Variants in CTSS observed in about 807,000 individuals in gnomAD.
CTSS encodes the protein cathepsin S.
CTSS carries 15 observed loss-of-function variants against 39.9 expected under a neutral mutation model. The ratio of observed to expected loss-of-function variants is 0.38; its 90% CI spans 0.25 to 0.58. The LOEUF (loss-of-function observed/expected upper bound fraction) is 0.58, where lower values mean the gene tolerates loss of function less well. Ranked by LOEUF, CTSS falls within the 20% of genes least tolerant of loss-of-function variation. The pLI is 0.70. For synonymous variants in CTSS, 126 were observed against 138.2 expected (o/e 0.91, Z 0.62); for missense variants, 250 against 398.2 (o/e 0.63, Z 3.17).
At chr1:150,735,969 A>G (rs1200533426) in intron 7 of CTSS, among the ~76,000 whole-genome samples, 1 of 151,976 alleles carries the variant, frequency 6.6e-6, no homozygotes. Context: ...CGTGTTAGCC[A>G]GGATGGTCTC....
At chr1:150,764,532 C>T in intron 2 of CTSS, 106 bp downstream of exon 2, 7 of 1,478,648 alleles carry the variant, frequency 4.7e-6, no homozygotes, top group Non-Finnish European at 4.6e-6. Context: ...GCCACCACAC[C>T]CAGCTTAAAT....
intron 3 of CTSS, among the ~76,000 whole-genome samples, chr1:150,756,680 C>T (rs1469321860): frequency 2.0e-5 from 3 of 151,004 alleles, no homozygotes; most frequent in Non-Finnish European, 4.4e-5. Flanking sequence ...ATCTCTTTCA[C>T]TTACATCCTT....
intron 4 of CTSS, among the ~76,000 whole-genome samples, chr1:150,754,313 C>T (rs1653070618): frequency 6.6e-6 from 1 of 151,678 alleles, no homozygotes; most frequent in African/African-American, 2.4e-5. Context: ...GGGACTTCAC[C>T]ATGTTGGCCA....
intron 2 of CTSS, among the ~76,000 whole-genome samples, chr1:150,761,174 G>A (rs1183391247): frequency 1.1e-4 from 5 of 46,600 alleles, no homozygotes; most frequent in Admixed American, 3.2e-4. Context: ...GCATGAATCC[G>A]CCTCAAAAAA....
At chr1:150,737,159 A>G (rs1652653392) in intron 7 of CTSS, among the ~76,000 whole-genome samples, 1 of 151,898 alleles carries the variant, frequency 6.6e-6, no homozygotes, top group Non-Finnish European at 1.5e-5. Context: ...CTGGAGTGCA[A>G]TGGCACAACC....
At chr1:150,740,010 G>A (rs775981406) in intron 7 of CTSS, among the ~76,000 whole-genome samples, 4 of 152,196 alleles carry the variant, frequency 2.6e-5, no homozygotes, top group Admixed American at 2.0e-4. Flanking sequence ...TAGACTATGA[G>A]TACCTTGAGG....
intron 5 of CTSS, among the ~76,000 whole-genome samples, chr1:150,750,856 G>A (rs969305526): frequency 5.3e-5 from 8 of 151,896 alleles, no homozygotes; most frequent in Admixed American, 1.3e-4. Flanking sequence ...TGCACAGGCT[G>A]GTCTCAAACT....
At chr1:150,763,553 C>T (rs1046616692) in intron 2 of CTSS, among the ~76,000 whole-genome samples, 1 of 151,630 alleles carries the variant, frequency 6.6e-6, no homozygotes, top group Non-Finnish European at 1.5e-5. Context: ...ACATTGTACT[C>T]CATAAATAGA....
chr1:150,755,551 C>T (rs1376968974), intron 3 of CTSS, among the ~76,000 whole-genome samples: 1 of 151,982 alleles, frequency 6.6e-6, no homozygotes, highest in Non-Finnish European at 1.5e-5. Flanking sequence ...ACCAGCCTGG[C>T]CAACATGGTG....
chr1:150,743,674 ATATAT>A (rs1440879348), intron 7 of CTSS, among the ~76,000 whole-genome samples: 2,729 of 72,944 alleles, frequency 0.037, 19 homozygotes, highest in South Asian at 0.057. Flanking sequence ...ATAATATATT[ATATAT>A]TATATGTATA....
At chr1:150,740,928 T>G (rs935226727) in intron 7 of CTSS, among the ~76,000 whole-genome samples, 2 of 151,814 alleles carry the variant, frequency 1.3e-5, no homozygotes, top group Non-Finnish European at 2.9e-5. Context: ...GCTCAAGCGA[T>G]CCTCCCAGTT....
chr1:150,730,480 C>G lies in CTSS; in HGVS notation c.*2566G>C, dbSNP rs936640730. ...TGCCAGGAGAGCACCTCTTACATGA[C>G]AGTCTTATGATCTACTTCAGGGGAA... is the stretch of plus-strand genomic sequence containing the variant. On this transcript the variant is annotated 3_prime_UTR_variant, in exon 8 of 8. Transcript: ENST00000368985. The G allele has an allele frequency of 6.6e-6, 1 of 151,852 alleles. No individual in the cohort carries two copies. Among genetic ancestry groups the G allele is most frequent in the Admixed American group, 6.6e-5 (1 of 15,266 alleles). The allele number at this position is 151,852 out of a possible 1,614,324, so 9.4% of individuals were successfully genotyped here.
At chr1:150,755,672 G>A (rs184085197) in intron 3 of CTSS, among the ~76,000 whole-genome samples, 1 of 151,932 alleles carries the variant, frequency 6.6e-6, no homozygotes, top group Non-Finnish European at 1.5e-5. Flanking sequence ...CCTGGGAGGC[G>A]GAGGTTGCAG....
chr1:150,747,072 G>A (rs899508551), intron 7 of CTSS, among the ~76,000 whole-genome samples: 2 of 152,250 alleles, frequency 1.3e-5, no homozygotes, highest in Non-Finnish European at 2.9e-5. Flanking sequence ...AACTAGAGCC[G>A]TAATAGAAGA....
chr1:150,755,061 C>G lies in CTSS; in HGVS notation c.339G>C (p.Arg113=). 6.2e-7 allele frequency: 1 copy of G among 1,614,116 alleles called. No individual in the cohort carries two copies. Among genetic ancestry groups the G allele is most frequent in the African/African-American group, 1.3e-5 (1 of 75,042 alleles). ...RNITYKSNPN[R]ILPDSVDWRE... is the part of the protein sequence containing the mutation. Reference sequence around the variant, plus strand: ...TCCAGTCCACAGAATCAGGCAATATCCGATTAGGGTTTGACTTATATGTGA... The same window carrying G: ...TCCAGTCCACAGAATCAGGCAATATGCGATTAGGGTTTGACTTATATGTGA... Residue 113 remains arginine, a synonymous_variant, in exon 4 of 8, where the codon CGG becomes CGC. Coordinates refer to ENST00000368985, the MANE Select transcript of CTSS (RefSeq NM_004079.5).
At chr1:150,748,065 G>A (rs1652926835) in intron 6 of CTSS, 186 bp from the exon 7 acceptor site, 2 of 491,412 alleles carry the variant, frequency 4.1e-6, no homozygotes, top group Admixed American at 7.6e-5. Context: ...GCCAAGGCGG[G>A]CGGGTCACAA....
At position 150,731,019 on chromosome 1, in the gene CTSS, A is replaced by G. The variant is rs978304637; in HGVS notation, c.*2027T>C. The G allele has an allele frequency of 6.6e-6, 1 of 152,218 alleles. No individual in the cohort carries two copies. The highest frequency in any genetic ancestry group is 2.4e-5 in the African/African-American group (1 of 41,454). The allele number at this position is 152,218 out of a possible 1,614,324, so 9.4% of individuals were successfully genotyped here. On this transcript the variant is annotated 3_prime_UTR_variant, in exon 8 of 8. Coordinates refer to ENST00000368985, the MANE Select transcript of CTSS (RefSeq NM_004079.5). ...CATTCATAGGCTTTAACAGATAGCT[A>G]AAGACTAAGAACCCATGTTTTTATT...
intron 2 of CTSS, among the ~76,000 whole-genome samples, chr1:150,761,741 A>G (rs994855810): frequency 1.8e-5 from 1 of 56,592 alleles, no homozygotes; most frequent in African/African-American, 3.5e-5. Context: ...CAAAAAAACA[A>G]GAAAAAAAGA....
intron 6 of CTSS, 167 bp from the exon 7 acceptor site, chr1:150,748,046 G>A: frequency 3.8e-6 from 2 of 530,188 alleles, no homozygotes; most frequent in South Asian, 5.1e-5. Context: ...AATCCCAGAA[G>A]TTTGGGAGGC....
Sources: gnomAD v4.1 joint callset for allele counts (sites outside exome capture counted in the v4.1 genomes callset) on GRCh38, gnomAD v4.1.1 for gene constraint, MANE v1.5 for transcripts, NCBI Gene and HGNC (gene_info 2026-07-23, HGNC 2026-07-21) for gene names.